DHRS7B: variants seen among roughly 807,000 people sequenced by gnomAD.
DHRS7B encodes dehydrogenase/reductase 7B, also known as peroxisomal reductase activating PPAR-gamma.
Under a neutral mutation model 26.4 loss-of-function variants are expected in DHRS7B, and 24 were observed. The ratio of observed to expected loss-of-function variants is 0.91; its 90% confidence interval spans 0.66 to 1.28. DHRS7B has a LOEUF of 1.28. Ranked by LOEUF, DHRS7B falls within the 50% of genes most tolerant of loss-of-function variation. The pLI, the probability that DHRS7B is intolerant of heterozygous loss-of-function variation, is 0.00. For missense variants in DHRS7B, 368 were observed against 419.4 expected (o/e 0.88, Z 1.07); for synonymous variants, 142 against 166.4 (o/e 0.85, Z 1.13).
At chr17:21,188,910 C>T in intron 6 of DHRS7B, 47 bp downstream of exon 6, 1 of 1,605,440 alleles carries the variant, frequency 6.2e-7, no homozygotes, top group Non-Finnish European at 8.5e-7. Flanking sequence ...GTCGGTCAGC[C>T]ACAGTGAGAC....
chr17:21,145,278 C>T (rs372926307), intron 1 of DHRS7B, among the ~76,000 whole-genome samples: 2 of 151,716 alleles, frequency 1.3e-5, no homozygotes, highest in African/African-American at 2.4e-5. Context: ...AAGCCGGGAT[C>T]GCGCCACTGC....
chr17:21,127,150 AG>A, intron 1 of DHRS7B, 159 bp downstream of exon 1: 1 of 715,872 alleles, frequency 1.4e-6, no homozygotes. Flanking sequence ...CGAACTCTGA[AG>A]GAAGACTCAG....
chr17:21,158,856 G>C (rs1047384200), intron 1 of DHRS7B, among the ~76,000 whole-genome samples: 11 of 151,448 alleles, frequency 7.3e-5, no homozygotes, highest in African/African-American at 2.4e-4. Flanking sequence ...CAATGGAACA[G>C]AATAGAGAGC....
At chr17:21,152,132 AT>A (rs1973785429) in intron 1 of DHRS7B, among the ~76,000 whole-genome samples, 1 of 152,114 alleles carries the variant, frequency 6.6e-6, no homozygotes, top group Admixed American at 6.6e-5. Flanking sequence ...TTCTTTATGA[AT>A]TACCTAGCTT....
intron 1 of DHRS7B, among the ~76,000 whole-genome samples, chr17:21,147,158 G>A (rs1479861303): frequency 6.6e-6 from 1 of 152,166 alleles, no homozygotes; most frequent in Non-Finnish European, 1.5e-5. Context: ...CTTAGAGTCT[G>A]TTGAGGTGCT....
At chr17:21,133,645 C>T (rs1973285552) in intron 1 of DHRS7B, among the ~76,000 whole-genome samples, 1 of 152,158 alleles carries the variant, frequency 6.6e-6, no homozygotes, top group African/African-American at 2.4e-5. Context: ...TTTTTAAAAT[C>T]ATTTGGAGAA....
chr17:21,144,949 C>T (rs1164723264), intron 1 of DHRS7B, among the ~76,000 whole-genome samples: 1 of 152,072 alleles, frequency 6.6e-6, no homozygotes, highest in Non-Finnish European at 1.5e-5. Flanking sequence ...TACCTTTTAG[C>T]AGACATAGTA....
At chr17:21,183,853 C>T (rs774016497) in intron 4 of DHRS7B, 43 bp downstream of exon 4, 2 of 1,545,516 alleles carry the variant, frequency 1.3e-6, no homozygotes, top group East Asian at 2.3e-5. Context: ...GATATGTTGG[C>T]ATTCTTTTTA....
At chr17:21,141,459 C>T (rs1427079765) in intron 1 of DHRS7B, among the ~76,000 whole-genome samples, 1 of 151,868 alleles carries the variant, frequency 6.6e-6, no homozygotes, top group Non-Finnish European at 1.5e-5. Context: ...AAAACAAACA[C>T]ACACACAAAA....
chr17:21,132,348 AAT>A (rs752912752), intron 1 of DHRS7B, among the ~76,000 whole-genome samples: 11,653 of 124,910 alleles, frequency 0.093, 522 homozygotes, highest in Non-Finnish European at 0.12. Flanking sequence ...AAAAAAAAAA[AAT>A]ATATATATAT....
intron 1 of DHRS7B, among the ~76,000 whole-genome samples, chr17:21,140,538 A>ACACACACACACCCC (rs972677956): frequency 4.5e-5 from 6 of 134,754 alleles, no homozygotes; most frequent in Non-Finnish European, 4.8e-5. Flanking sequence ...ACACACACAC[A>ACACACACACACCCC]CCCTGACACC....
At chr17:21,132,346 A>ATATAT (rs1432302255) in intron 1 of DHRS7B, among the ~76,000 whole-genome samples, 6 of 136,784 alleles carry the variant, frequency 4.4e-5, no homozygotes, top group African/African-American at 1.8e-4. Flanking sequence ...TAAAAAAAAA[A>ATATAT]AAATATATAT....
At chr17:21,148,050 T>G (rs1973680175) in intron 1 of DHRS7B, among the ~76,000 whole-genome samples, 1 of 152,084 alleles carries the variant, frequency 6.6e-6, no homozygotes, top group Admixed American at 6.5e-5. Flanking sequence ...ATAGTGTCTC[T>G]ATTTTAAAAA....
intron 1 of DHRS7B, among the ~76,000 whole-genome samples, chr17:21,129,704 C>CAAAAAAAAAAAAAAAAAAA (rs61077377): frequency 1.2e-4 from 9 of 74,730 alleles, no homozygotes; most frequent in Non-Finnish European, 1.8e-4. Context: ...GACCCTGACT[C>CAAAAAAAAAAAAAAAAAAA]AAAAAAAAAA....
chr17:21,131,438 G>C (rs771479826), intron 1 of DHRS7B, among the ~76,000 whole-genome samples: 6 of 152,154 alleles, frequency 3.9e-5, no homozygotes, highest in Non-Finnish European at 8.8e-5. Flanking sequence ...GTCTTTTAGC[G>C]AGCTAATGCC....
chr17:21,173,209 G>A (rs1974300389), intron 2 of DHRS7B, among the ~76,000 whole-genome samples: 1 of 152,238 alleles, frequency 6.6e-6, no homozygotes, highest in Non-Finnish European at 1.5e-5. Context: ...TCAATATATT[G>A]CCATTGCAGT....
intron 3 of DHRS7B, among the ~76,000 whole-genome samples, chr17:21,181,549 G>A (rs1168635986): frequency 6.6e-6 from 1 of 152,204 alleles, no homozygotes; most frequent in African/African-American, 2.4e-5. Flanking sequence ...AGGGAAAAGG[G>A]CTGATTTTAT....
chr17:21,174,866 T>G (rs1974338524), intron 2 of DHRS7B, among the ~76,000 whole-genome samples: 1 of 152,180 alleles, frequency 6.6e-6, no homozygotes, highest in Non-Finnish European at 1.5e-5. Context: ...GCATCTGGCT[T>G]GGAGTGCAGC....
intron 2 of DHRS7B, among the ~76,000 whole-genome samples, chr17:21,177,345 G>T (rs1974404256): frequency 6.6e-6 from 1 of 152,168 alleles, no homozygotes; most frequent in Admixed American, 6.5e-5. Context: ...AATCCCTCTG[G>T]CAAATTCTCT....
Sources: allele counts gnomAD v4.1 joint callset (sites outside exome capture counted in the v4.1 genomes callset), GRCh38; gene constraint gnomAD v4.1.1; transcripts MANE v1.5; gene names NCBI Gene and HGNC (gene_info 2026-07-23, HGNC 2026-07-21).